The following TENM1 variants were observed in gnomAD, a reference collection of about 807,000 sequenced individuals.
TENM1 encodes teneurin transmembrane protein 1.
Under a neutral mutation model 174.8 loss-of-function variants are expected in TENM1, and 35 were observed. The observed-to-expected ratio is 0.20, with a 90% confidence interval of 0.15 to 0.27. The LOEUF (loss-of-function observed/expected upper bound fraction) is 0.27. Ranked by LOEUF, TENM1 falls within the 10% of genes least tolerant of loss-of-function variation. The pLI is 1.00. For synonymous variants in TENM1, 781 were observed against 798.7 expected, an observed-to-expected ratio of 0.98 and a Z score of 0.37; for missense variants, 1,633 against 2,130.1, an observed-to-expected ratio of 0.77 and a Z score of 4.59.
At chrX:124,660,090 A>G (rs1004671622) in intron 6 of TENM1, among the ~76,000 whole-genome samples, 4 of 111,925 alleles carry the variant, frequency 3.6e-5, no homozygotes, top group African/African-American at 1.3e-4. Context: ...TAGACATGAC[A>G]TCAAAGCACA....
At chrX:124,538,028 C>T (rs1378735010) in intron 15 of TENM1, among the ~76,000 whole-genome samples, 2 of 111,767 alleles carry the variant, frequency 1.8e-5, no homozygotes, top group Non-Finnish European at 3.8e-5. Context: ...CTTCTTTGCC[C>T]AAGAGCATTT....
At chrX:124,844,517 G>GA (rs2056569756) in intron 3 of TENM1, among the ~76,000 whole-genome samples, 1 of 111,142 alleles carries the variant, frequency 9.0e-6, no homozygotes, top group Non-Finnish European at 1.9e-5. Context: ...TGGTAATCAT[G>GA]GTGGAGGGGA....
At chrX:124,895,899 G>A in intron 2 of TENM1, 82 bp downstream of exon 5, 1 of 1,093,514 alleles carries the variant, frequency 9.1e-7, no homozygotes, top group Non-Finnish European at 1.2e-6. Context: ...AAGAAGGGCA[G>A]ATATAGGGAA....
chrX:125,193,519 G>A, the TENM1 span, among the ~76,000 whole-genome samples: 3 of 111,279 alleles, frequency 2.7e-5, no homozygotes, highest in African/African-American at 6.5e-5. Flanking sequence ...CCTTGCGTCC[G>A]GTGTATTAGG....
chrX:124,666,541 C>CA, intron 6 of TENM1, among the ~76,000 whole-genome samples: 1 of 111,490 alleles, frequency 9.0e-6, no homozygotes, highest in East Asian at 2.8e-4. Flanking sequence ...CAAACACATA[C>CA]AAAACACCCT....
At chrX:124,741,940 A>G (rs1220796757) in intron 3 of TENM1, among the ~76,000 whole-genome samples, 7 of 112,392 alleles carry the variant, frequency 6.2e-5, no homozygotes, top group African/African-American at 2.3e-4. Context: ...AAACATCCCA[A>G]TGGCAAAGGA....
chrX:124,696,524 A>ATC (rs200156861), intron 5 of TENM1, among the ~76,000 whole-genome samples: 1 of 108,341 alleles, frequency 9.2e-6, no homozygotes, highest in Non-Finnish European at 1.9e-5. Context: ...GACAGCTGGT[A>ATC]TCTCTCTCTC....
chrX:124,646,830 GAT>G lies in TENM1; in HGVS notation c.1580-22_1580-21del. 1 of 1,090,648 alleles carries G rather than the reference GAT, an allele frequency of 9.2e-7. No homozygotes were observed. The highest frequency in any genetic ancestry group is 1.3e-6 in the Non-Finnish European group (1 of 793,422). 89.9% of individuals were successfully genotyped at this position (1,090,648 alleles called of 1,213,427 possible). ...TTATTTCTAGTAATACAGAGAAAAA[GAT>G]AAAAAAAATGAACGCATCTCCAGGC... On this transcript the variant is annotated intron_variant, in intron 8 of 31. Coordinates refer to ENST00000422452, the Ensembl canonical transcript of TENM1.
intron 11 of TENM1, among the ~76,000 whole-genome samples, chrX:124,568,232 G>A (rs780151533): frequency 3.6e-5 from 4 of 111,317 alleles, no homozygotes; most frequent in South Asian, 3.8e-4. Context: ...ACCCAATTAC[G>A]ACTAGGGGCT....
intron 14 of TENM1, among the ~76,000 whole-genome samples, chrX:124,560,356 G>T (rs1639321267): frequency 1.8e-5 from 2 of 109,486 alleles, no homozygotes; most frequent in Non-Finnish European, 3.8e-5. Context: ...TCTCAAAGTA[G>T]AACTGAATCT....
chrX:125,060,159 C>CCTCT, the TENM1 span, among the ~76,000 whole-genome samples: 10 of 96,842 alleles, frequency 1.0e-4, no homozygotes, highest in Admixed American at 3.7e-4. Context: ...CTCTCTCTCT[C>CCTCT]CTCTCTCTCT....
At chrX:124,810,977 G>A (rs2055757945) in intron 3 of TENM1, among the ~76,000 whole-genome samples, 1 of 111,473 alleles carries the variant, frequency 9.0e-6, no homozygotes, top group Non-Finnish European at 1.9e-5. Flanking sequence ...AAGTTGTTAA[G>A]AAATCTGGTA....
the TENM1 span, among the ~76,000 whole-genome samples, chrX:125,021,115 T>G: frequency 3.1e-3 from 347 of 111,250 alleles, no homozygotes; most frequent in African/African-American, 0.011. Flanking sequence ...TTTTTTTGCC[T>G]TAAAAGAGAA....
intron 1 of TENM1, among the ~76,000 whole-genome samples, chrX:124,900,239 A>G (rs1275182224): frequency 8.9e-6 from 1 of 112,343 alleles, no homozygotes; most frequent in Non-Finnish European, 1.9e-5. Flanking sequence ...TTGATGCATA[A>G]CAATGTTATG....
the TENM1 span, among the ~76,000 whole-genome samples, chrX:125,109,427 T>TGC: frequency 9.1e-6 from 1 of 110,436 alleles, no homozygotes; most frequent in Admixed American, 9.7e-5. Flanking sequence ...GTTTGTTATA[T>TGC]AGGTAAACGT....
chrX:124,402,973 A>T (rs2060416329), intron 27 of TENM1, among the ~76,000 whole-genome samples: 1 of 111,778 alleles, frequency 8.9e-6, no homozygotes, highest in South Asian at 3.8e-4. Context: ...TATTTCTCAA[A>T]GAATTCCGAT....
intron 4 of TENM1, among the ~76,000 whole-genome samples, chrX:124,714,909 C>A (rs2053143481): frequency 9.0e-6 from 1 of 111,480 alleles, no homozygotes; most frequent in Non-Finnish European, 1.9e-5. Flanking sequence ...GTCACCCTTT[C>A]ATTCTCCTTC....
chrX:124,707,010 C>T (rs2052923772), intron 4 of TENM1, among the ~76,000 whole-genome samples: 1 of 104,213 alleles, frequency 9.6e-6, no homozygotes, highest in African/African-American at 3.6e-5. Context: ...TACAGTGGCA[C>T]GATCTCATTC....
At chrX:125,067,448 C>A in the TENM1 span, among the ~76,000 whole-genome samples, 1 of 111,221 alleles carries the variant, frequency 9.0e-6, no homozygotes, top group Admixed American at 9.6e-5. Flanking sequence ...AAATGCTATT[C>A]TTTGACAGAG....
Sources: allele counts gnomAD v4.1 joint callset (sites outside exome capture counted in the v4.1 genomes callset), GRCh38; gene constraint gnomAD v4.1.1; transcripts MANE v1.5; gene names NCBI Gene and HGNC (gene_info 2026-07-23, HGNC 2026-07-21).